The following ATG2B variants were observed in gnomAD, a reference collection of about 807,000 sequenced individuals.
ATG2B encodes autophagy-related protein 2 homolog B.
ATG2B carries 121 observed loss-of-function variants against 241.3 expected under a neutral mutation model. The observed-to-expected ratio is 0.50, with a 90% confidence interval of 0.43 to 0.58. The LOEUF (loss-of-function observed/expected upper bound fraction) is 0.58, where lower values mean the gene tolerates loss of function less well. Ranked by LOEUF, ATG2B falls within the 20% of genes least tolerant of loss-of-function variation. ATG2B has a pLI of 0.00. For missense variants in ATG2B, 2,306 were observed against 2,491.6 expected, an observed-to-expected ratio of 0.93 and a Z score of 1.59; for synonymous variants, 858 against 876.6, an observed-to-expected ratio of 0.98 and a Z score of 0.37.
intron 34 of ATG2B, among the ~76,000 whole-genome samples, chr14:96,301,442 C>G (rs1460202948): frequency 1.3e-5 from 2 of 152,124 alleles, no homozygotes; most frequent in East Asian, 1.9e-4. Flanking sequence ...GAAGAGGCAC[C>G]AGCTATGTTT....
chr14:96,312,306 A>T (rs1887181299), intron 25 of ATG2B, 147 bp from the exon 26 acceptor site: 6 of 612,782 alleles, frequency 9.8e-6, no homozygotes, highest in Middle Eastern at 2.6e-4. Flanking sequence ...CTGTCATCTA[A>T]CATTTTTTAA....
intron 41 of ATG2B, among the ~76,000 whole-genome samples, chr14:96,287,092 A>G (rs916393052): frequency 6.6e-6 from 1 of 151,942 alleles, no homozygotes; most frequent in African/African-American, 2.4e-5. Flanking sequence ...CGTCTCTACT[A>G]AAAATACACA....
chr14:96,330,529 C>G (rs1334733821), intron 11 of ATG2B, among the ~76,000 whole-genome samples: 1 of 151,948 alleles, frequency 6.6e-6, no homozygotes, highest in South Asian at 2.1e-4. Flanking sequence ...TTTGGGAGAC[C>G]GAGGCAGGTG....
In ATG2B at chr14:96,329,634, T is replaced by C. The variant is rs765662459; in HGVS notation, c.1731A>G (p.Arg577=). 2.5e-5 allele frequency: 40 copies of C among 1,583,748 alleles called. No homozygotes were observed. The highest frequency in any genetic ancestry group is 3.5e-5 in the Non-Finnish European group (40 of 1,159,026). The part of the protein sequence containing the change: ...FAEACSHDHL[R]FIGTGIKVSY... Reference sequence around the variant, plus strand: ...ATACTTTAATGCCAGTACCTATAAATCTATTATAAAAAATGCACCATTTAA... The same window carrying C: ...ATACTTTAATGCCAGTACCTATAAACCTATTATAAAAAATGCACCATTTAA... Residue 577 remains arginine (R), a splice_region_variant and synonymous_variant, in exon 12 of 42, where the codon AGA becomes AGG. Coordinates refer to ENST00000359933, the MANE Select transcript of ATG2B (RefSeq NM_018036.7).
intron 29 of ATG2B, among the ~76,000 whole-genome samples, chr14:96,307,357 G>C: frequency 6.6e-6 from 1 of 152,190 alleles, no homozygotes; most frequent in East Asian, 1.9e-4. Flanking sequence ...GTTGCAGTGA[G>C]CTGACATCAC....
chr14:96,290,842 A>G lies in ATG2B; in HGVS notation c.5673T>C (p.Val1891=), dbSNP rs765382271. The G allele has an allele frequency of 6.2e-7, 1 of 1,613,926 alleles. No homozygotes were observed. The highest frequency in any genetic ancestry group is 1.1e-5 in the South Asian group (1 of 90,982). ...ATTGTACTAGTGAATGCATAGGTCC[A>G]ACACCTCCCAGGATTCCTGGTAGCT... ...KNQLPGILGG[V]GPMHSLVQLV... The change falls in exon 39 of 42, where the codon GTT becomes GTC. Residue 1891 remains valine, a synonymous_variant. Transcript: ENST00000359933. This position sits in a 1 kb window ranked among gnomAD's most constrained non-coding sequence, Gnocchi z 4.4.
intron 1 of ATG2B, among the ~76,000 whole-genome samples, chr14:96,362,482 T>C (rs1424747845): frequency 6.6e-6 from 1 of 152,138 alleles, no homozygotes; most frequent in Non-Finnish European, 1.5e-5. Flanking sequence ...CACAAAACCC[T>C]GCGGCCCCTC....
chr14:96,286,922 G>A (rs1440456286), intron 41 of ATG2B, among the ~76,000 whole-genome samples: 2 of 152,064 alleles, frequency 1.3e-5, no homozygotes, highest in Admixed American at 6.6e-5. Flanking sequence ...TATCTACCCA[G>A]TATATCTGGC....
chr14:96,320,560 A>G (rs994227446), intron 18 of ATG2B, among the ~76,000 whole-genome samples: 24 of 152,166 alleles, frequency 1.6e-4, no homozygotes, highest in Admixed American at 1.4e-3. Context: ...GACAACATAG[A>G]ATTCCAATCA....
intron 33 of ATG2B, 130 bp from the exon 34 acceptor site, chr14:96,302,238 C>T: frequency 3.3e-6 from 2 of 614,666 alleles, no homozygotes; most frequent in South Asian, 4.4e-5. Flanking sequence ...TGTTTACCCT[C>T]TTTCCTTAAA....
chr14:96,328,038 G>A (rs1887629681), intron 14 of ATG2B, among the ~76,000 whole-genome samples: 1 of 152,024 alleles, frequency 6.6e-6, no homozygotes, highest in South Asian at 2.1e-4. Context: ...GGCTTGTCTC[G>A]AACTGGCCTC....
chr14:96,313,568 GA>G, intron 23 of ATG2B, 133 bp from the exon 24 acceptor site: 1 of 505,488 alleles, frequency 2.0e-6, no homozygotes, highest in Non-Finnish European at 3.5e-6. Flanking sequence ...ACGGTAAAAG[GA>G]AAAAAATCAT....
rs536205582 is a variant in ATG2B at position 96,331,648 on chromosome 14, A to G, written c.1469-11T>C. The G allele has an allele frequency of 3.8e-6, 6 of 1,570,724 alleles. No individual in the cohort carries two copies. In the East Asian group the frequency reaches 9.0e-5, roughly 24 times the overall value. On this transcript the variant is annotated splice_polypyrimidine_tract_variant and intron_variant, in intron 10 of 41. Transcript: ENST00000359933. Reference sequence around the variant, plus strand: ...ATCTAGATGGGAGAGCTAAAATACAAGTATTAAAATTATATACATAAAATT... The same window carrying G: ...ATCTAGATGGGAGAGCTAAAATACAGGTATTAAAATTATATACATAAAATT...
intron 6 of ATG2B, among the ~76,000 whole-genome samples, chr14:96,340,174 T>TGAATATATATG (rs1887993603): frequency 7.6e-6 from 1 of 131,640 alleles, no homozygotes; most frequent in Admixed American, 8.1e-5. Flanking sequence ...ATGATATATA[T>TGAATATATATG]TCACACACAC....
Position 96,289,525 on chromosome 14 carries a change from T to C in ATG2B, c.6006+131A>G. 1 of 1,085,948 alleles carries C rather than the reference T, an allele frequency of 9.2e-7. No homozygotes were observed. 67.3% of individuals were successfully genotyped at this position (1,085,948 alleles called of 1,614,324 possible). A position where few individuals can be genotyped will look rare whatever the true frequency, so the allele number is the denominator to read the frequency against. On this transcript the variant is annotated intron_variant, in intron 41 of 41. Coordinates refer to ENST00000359933, the MANE Select transcript of ATG2B (RefSeq NM_018036.7). This position sits in a 1 kb window ranked among gnomAD's most constrained non-coding sequence, Gnocchi z 4.3. ...ACCTCACACAGATATGGGCACATGT[T>C]ATTAGTGGCAGTTGCCATTCTGCTC... is the stretch of plus-strand genomic sequence containing the variant.
Position 96,351,915 on chromosome 14 carries a change from AG to A in ATG2B, c.163-4575del, listed in dbSNP as rs1396246570. Among the ~76,000 whole-genome samples the A allele has an allele frequency of 2.7e-5, 4 of 150,724 alleles. No homozygotes were observed. The East Asian group carries it at 5.8e-4, about 22-fold the overall frequency. On this transcript the variant is annotated intron_variant, in intron 1 of 41. Coordinates refer to ENST00000359933, the MANE Select transcript of ATG2B (RefSeq NM_018036.7). ...AGACCTTGTCTCAAAAAAAAAAAAA[AG>A]AAAAAAAAATTTTTATGCTTATCAA...
At chr14:96,322,794 A>G (rs781440475) in intron 16 of ATG2B, 59 bp from the exon 17 acceptor site, 14 of 1,424,844 alleles carry the variant, frequency 9.8e-6, no homozygotes, top group Non-Finnish European at 1.2e-5. Flanking sequence ...CAAAACTTTA[A>G]CTTTTGTGCA....
chr14:96,331,255 A>T (rs996759040), intron 11 of ATG2B, 121 bp downstream of exon 11: 14 of 947,726 alleles, frequency 1.5e-5, no homozygotes, highest in Non-Finnish European at 2.2e-5. Flanking sequence ...TACAAATAAA[A>T]TGTGAATTAG....
chr14:96,322,734 T>A lies in ATG2B; in HGVS notation c.2542A>T (p.Ile848Phe). ...TSSDDFDWPR[I>F]VLKINPPAMH... ...GCTGGTGGATTTATTTTCAGTACAA[T>A]TCTGATAGCAAAGACAATTTTAAAA... Residue 848 changes from isoleucine to phenylalanine, a missense_variant and splice_region_variant, in exon 17 of 42, where the codon ATT becomes TTT. Coordinates refer to ENST00000359933, the MANE Select transcript of ATG2B (RefSeq NM_018036.7). 6.2e-7 allele frequency: 1 copy of A among 1,609,456 alleles called. No homozygotes were observed. Among genetic ancestry groups the A allele is most frequent in the Non-Finnish European group, 8.5e-7 (1 of 1,178,332 alleles).
Sources: allele counts gnomAD v4.1 joint callset (sites outside exome capture counted in the v4.1 genomes callset), GRCh38; gene constraint gnomAD v4.1.1; non-coding constraint Gnocchi (gnomAD v3.1); transcripts MANE v1.5; gene names NCBI Gene and HGNC (gene_info 2026-07-23, HGNC 2026-07-21).